The following APLF variants were observed in gnomAD, a reference collection of about 807,000 sequenced individuals.
The protein encoded by APLF is aprataxin and PNKP like factor.
In APLF, 61 loss-of-function variants were observed where a neutral mutation model predicts 55.6. The observed-to-expected ratio is 1.10, with a 90% CI of 0.89 to 1.36. The LOEUF (loss-of-function observed/expected upper bound fraction) is 1.36. Among genes scored for constraint, APLF ranks in the 40% most tolerant of loss-of-function variants. The pLI, the probability that APLF is intolerant of heterozygous loss-of-function variation, is 0.00. For synonymous variants in APLF, 207 were observed against 214.8 expected, an observed-to-expected ratio of 0.96 and a Z score of 0.32; for missense variants, 611 against 602.5, an observed-to-expected ratio of 1.01 and a Z score of -0.15.
rs185220794 is a variant in APLF, at chr2:68,502,774, A to T, written c.212A>T (p.Gln71Leu). The change falls in exon 3 of 10, where the codon CAG becomes CTG. Residue 71 changes from glutamine to leucine, a missense_variant. Transcript: ENST00000303795. Reference sequence around the variant, plus strand: ...TTTTACCAGTCTTCAGAGAAGAGTCAGCTCTTACCATTGAAGCCAAATCTA... The same window carrying T: ...TTTTACCAGTCTTCAGAGAAGAGTCTGCTCTTACCATTGAAGCCAAATCTA... ...PCFYQSSEKS[Q>L]LLPLKPNLWC... The T allele has an allele frequency of 1.1e-5, 18 of 1,596,494 alleles. No individual in the cohort carries two copies. The East Asian group carries it at 3.7e-4, about 32-fold the overall frequency.
intron 5 of APLF, among the ~76,000 whole-genome samples, chr2:68,518,596 TATATA>T (rs1258694759): frequency 9.0e-5 from 11 of 121,738 alleles, no homozygotes; most frequent in East Asian, 4.8e-4. Context: ...ATATCATGAA[TATATA>T]ATATATCATT....
intron 4 of APLF, 142 bp from the exon 5 acceptor site, chr2:68,513,406 A>T: frequency 8.1e-7 from 1 of 1,241,950 alleles, no homozygotes; most frequent in Non-Finnish European, 1.1e-6. Flanking sequence ...TAATAGAAAT[A>T]ATTTCTTTGT....
At chr2:68,575,959 T>C (rs1371400985) in intron 9 of APLF, among the ~76,000 whole-genome samples, 1 of 152,076 alleles carries the variant, frequency 6.6e-6, no homozygotes, top group African/African-American at 2.4e-5. Flanking sequence ...AGGAGTGAGT[T>C]AGAGAAGAGG....
intron 1 of APLF, among the ~76,000 whole-genome samples, chr2:68,486,510 C>A (rs1370806192): frequency 1.3e-5 from 2 of 151,998 alleles, no homozygotes; most frequent in Non-Finnish European, 2.9e-5. Flanking sequence ...GCTTCAGCAC[C>A]CCTAGATTCC....
chr2:68,547,636 A>G (rs1023866738), intron 8 of APLF, among the ~76,000 whole-genome samples: 1 of 151,834 alleles, frequency 6.6e-6, no homozygotes. Context: ...GGATAAGTAG[A>G]TATTCATCTG....
intron 3 of APLF, among the ~76,000 whole-genome samples, chr2:68,506,944 A>G (rs1676888312): frequency 1.3e-5 from 2 of 152,018 alleles, no homozygotes; most frequent in Non-Finnish European, 2.9e-5. Flanking sequence ...TAATGGATGC[A>G]TATATACAAA....
At chr2:68,500,077 A>T (rs1419087114) in intron 2 of APLF, among the ~76,000 whole-genome samples, 1 of 151,968 alleles carries the variant, frequency 6.6e-6, no homozygotes, top group South Asian at 2.1e-4. Flanking sequence ...TTTGTTTATT[A>T]ATATTGTTAG....
chr2:68,516,409 TTTA>T (rs139238516), intron 5 of APLF, among the ~76,000 whole-genome samples: 9 of 151,336 alleles, frequency 5.9e-5, no homozygotes, highest in Non-Finnish European at 7.4e-5. Flanking sequence ...GCCAATACAG[TTTA>T]TTATTATTAT....
intron 6 of APLF, among the ~76,000 whole-genome samples, chr2:68,536,316 TAGTC>T (rs1187429818): frequency 6.6e-6 from 1 of 152,172 alleles, no homozygotes; most frequent in Non-Finnish European, 1.5e-5. Flanking sequence ...TCAAGGCAGT[TAGTC>T]AGTTTGGGTA....
At chr2:68,561,941 A>G (rs919932217) in intron 8 of APLF, among the ~76,000 whole-genome samples, 4 of 152,106 alleles carry the variant, frequency 2.6e-5, no homozygotes, top group Admixed American at 6.6e-5. Context: ...ACTCCAACCA[A>G]TGAGAATTTT....
At chr2:68,576,458 G>A (rs1054871563) in intron 9 of APLF, among the ~76,000 whole-genome samples, 1 of 152,152 alleles carries the variant, frequency 6.6e-6, no homozygotes, top group African/African-American at 2.4e-5. Flanking sequence ...AATTGGGCAA[G>A]TTATTATATT....
chr2:68,524,223 A>C (rs1225947739), intron 5 of APLF, among the ~76,000 whole-genome samples: 1 of 152,204 alleles, frequency 6.6e-6, no homozygotes, highest in African/African-American at 2.4e-5. Context: ...TCCAAAAATG[A>C]TATGAACTAT....
chr2:68,571,576 C>T (rs192055417), intron 9 of APLF, among the ~76,000 whole-genome samples: 2 of 152,010 alleles, frequency 1.3e-5, no homozygotes, highest in Non-Finnish European at 1.5e-5. Flanking sequence ...TCTTGTTTTT[C>T]TCAGGTTTGT....
chr2:68,529,929 G>C lies in APLF; in HGVS notation c.804+3687G>C, dbSNP rs997543839. Among the ~76,000 whole-genome samples, 1 of 152,224 alleles carries C rather than the reference G, an allele frequency of 6.6e-6. No individual in the cohort carries two copies. Among genetic ancestry groups the C allele is most frequent in the African/African-American group, 2.4e-5 (1 of 41,454 alleles). ...CCAGATCCCGCCAGGCTCCCCCGGG[G>C]CCTCTCCAGTGCCTCTGTGCCGCCT... On this transcript the variant is annotated intron_variant, in intron 6 of 9. Coordinates refer to ENST00000303795, the MANE Select transcript of APLF (RefSeq NM_173545.3). This position sits in a 1 kb window ranked among gnomAD's most constrained non-coding sequence, Gnocchi z 4.4.
At chr2:68,570,522 C>G (rs1671428567) in intron 9 of APLF, among the ~76,000 whole-genome samples, 1 of 151,754 alleles carries the variant, frequency 6.6e-6, no homozygotes. Context: ...CAGTTCCCAC[C>G]TATAAGTGAG....
chr2:68,513,728 A>C, intron 5 of APLF, 48 bp downstream of exon 5: 1 of 1,586,554 alleles, frequency 6.3e-7, no homozygotes, highest in Non-Finnish European at 8.6e-7. Flanking sequence ...AACATTAAAC[A>C]GAATTTGAAA....
intron 5 of APLF, among the ~76,000 whole-genome samples, chr2:68,514,216 A>AT (rs1464319893): frequency 1.3e-5 from 2 of 151,696 alleles, no homozygotes; most frequent in African/African-American, 4.8e-5. Context: ...GTATTTTTCT[A>AT]TAAGTCTTTG....
At chr2:68,520,268 C>G (rs1294759144) in intron 5 of APLF, among the ~76,000 whole-genome samples, 2 of 151,960 alleles carry the variant, frequency 1.3e-5, no homozygotes, top group Non-Finnish European at 2.9e-5. Flanking sequence ...TGTGAGTTGT[C>G]TGTTTACTCT....
intron 1 of APLF, among the ~76,000 whole-genome samples, chr2:68,468,700 T>G (rs1675513207): frequency 2.0e-5 from 3 of 152,220 alleles, no homozygotes; most frequent in African/African-American, 7.2e-5. Flanking sequence ...TCTTTAACAT[T>G]CAACATTTCT....
Sources: allele counts gnomAD v4.1 joint callset (sites outside exome capture counted in the v4.1 genomes callset), GRCh38; gene constraint gnomAD v4.1.1; non-coding constraint Gnocchi (gnomAD v3.1); transcripts MANE v1.5; gene names NCBI Gene and HGNC (gene_info 2026-07-23, HGNC 2026-07-21).